TEX15: variants seen among roughly 807,000 people sequenced by gnomAD.
The protein encoded by TEX15 is testis expressed 15, meiosis and synapsis associated.
In TEX15, 171 loss-of-function variants were observed where a neutral mutation model predicts 237.3. That is an observed-to-expected ratio of 0.72 (90% CI 0.64 to 0.82). The LOEUF (loss-of-function observed/expected upper bound fraction) is 0.82. Among genes scored for constraint, TEX15 ranks in the 40% least tolerant of loss-of-function variants. The probability of loss-of-function intolerance (pLI) is 0.00; values close to 1 mark genes in which losing one functional copy is unlikely to be tolerated. For missense variants in TEX15, 3,750 were observed against 3,646.5 expected, an observed-to-expected ratio of 1.03 and a Z score of -0.73; for synonymous variants, 1,338 against 1,269.8, an observed-to-expected ratio of 1.05 and a Z score of -1.14.
chr8:30,869,282 G>T (rs1808240483), intron 4 of TEX15, among the ~76,000 whole-genome samples: 1 of 151,944 alleles, frequency 6.6e-6, no homozygotes. Flanking sequence ...CGAGCCTAAA[G>T]ACTCTTTTCT....
chr8:30,858,750 T>C lies in TEX15; in HGVS notation c.768A>G (p.Val256=). 1 of 1,535,736 alleles carries C rather than the reference T, an allele frequency of 6.5e-7. No individual in the cohort carries two copies. The highest frequency in any genetic ancestry group is 1.2e-5 in the South Asian group (1 of 84,038). The change falls in exon 7 of 11, where the codon GTA becomes GTG. Residue 256 remains valine, a synonymous_variant. Transcript: ENST00000643185. ...TATCTACTTTTGAACCAAGAAATTT[T>C]ACTGTTACTACAGCATATGGAAGAC... The part of the protein sequence containing the change: ...RQCLPYAVVT[V]KFLGSKVDNG...
intron 5 of TEX15, among the ~76,000 whole-genome samples, chr8:30,862,895 T>C (rs1014280618): frequency 2.0e-5 from 3 of 152,164 alleles, no homozygotes; most frequent in African/African-American, 7.2e-5. Context: ...TTGAATACCT[T>C]TTAGAATTTC....
intron 7 of TEX15, among the ~76,000 whole-genome samples, chr8:30,853,002 C>A (rs982145368): frequency 6.6e-6 from 1 of 151,954 alleles, no homozygotes; most frequent in Admixed American, 6.5e-5. Flanking sequence ...ATAGTGTAGT[C>A]TGGTGTACTC....
At chr8:30,851,057 A>G (rs937744862) in intron 7 of TEX15, among the ~76,000 whole-genome samples, 1 of 152,188 alleles carries the variant, frequency 6.6e-6, no homozygotes, top group Non-Finnish European at 1.5e-5. Context: ...CTGGAAAACA[A>G]GCTGACAGTA....
At chr8:30,884,845 T>A (rs1422123493) in intron 3 of TEX15, among the ~76,000 whole-genome samples, 2 of 152,128 alleles carry the variant, frequency 1.3e-5, no homozygotes, top group African/African-American at 2.4e-5. Context: ...TGCTCTAATT[T>A]TTATTATTTT....
intron 6 of TEX15, 49 bp downstream of exon 6, chr8:30,859,862 C>A: frequency 7.7e-7 from 1 of 1,295,966 alleles, no homozygotes; most frequent in Non-Finnish European, 9.8e-7. Flanking sequence ...TTAAAACATA[C>A]AATGTGAAAC....
chr8:30,893,667 A>G (rs1277222510), intron 2 of TEX15, among the ~76,000 whole-genome samples: 1 of 152,180 alleles, frequency 6.6e-6, no homozygotes, highest in African/African-American at 2.4e-5. Flanking sequence ...ACTTTCTCTC[A>G]GCACTCTCAA....
intron 2 of TEX15, chr8:30,887,694 G>C (rs1266194123): frequency 6.5e-6 from 1 of 154,964 alleles, no homozygotes; most frequent in African/African-American, 2.4e-5. Flanking sequence ...CCAGCTACTT[G>C]GGAGGCTGAG....
chr8:30,863,962 A>G (rs1470098251), intron 5 of TEX15, among the ~76,000 whole-genome samples: 2 of 44 alleles, frequency 0.045, no homozygotes, highest in East Asian at 0.25. Flanking sequence ...ATTCAAAGGA[A>G]AAAAAAAACA....
At chr8:30,835,633 A>C (rs1344078462) in intron 10 of TEX15, among the ~76,000 whole-genome samples, 1 of 152,192 alleles carries the variant, frequency 6.6e-6, no homozygotes, top group African/African-American at 2.4e-5. Context: ...ATTTTTATTT[A>C]AAGTACATTT....
intron 8 of TEX15, among the ~76,000 whole-genome samples, chr8:30,840,416 G>A (rs1310429883): frequency 3.3e-5 from 5 of 151,984 alleles, no homozygotes; most frequent in African/African-American, 7.2e-5. Flanking sequence ...GGCTGGTCTC[G>A]AACTCCTGAC....
chr8:30,887,504 T>C (rs1250174516), intron 2 of TEX15, among the ~76,000 whole-genome samples, 193 bp from the exon 3 acceptor site: 1 of 152,126 alleles, frequency 6.6e-6, no homozygotes, highest in Non-Finnish European at 1.5e-5. Flanking sequence ...TTTTATATAA[T>C]ATGAAAAATA....
intron 1 of TEX15, among the ~76,000 whole-genome samples, chr8:30,904,601 C>T (rs1010220635): frequency 6.6e-6 from 1 of 152,134 alleles, no homozygotes. Flanking sequence ...TTGACCAATA[C>T]TGAATCAACT....
At chr8:30,897,144 C>T (rs947499686) in intron 2 of TEX15, among the ~76,000 whole-genome samples, 1 of 152,208 alleles carries the variant, frequency 6.6e-6, no homozygotes, top group African/African-American at 2.4e-5. Flanking sequence ...AAGAAGTCGG[C>T]AGACGTAGGT....
At chr8:30,896,635 C>G (rs1164938987) in intron 2 of TEX15, among the ~76,000 whole-genome samples, 1 of 151,960 alleles carries the variant, frequency 6.6e-6, no homozygotes, top group African/African-American at 2.4e-5. Flanking sequence ...TTTAGACAAG[C>G]AGAACCTGTG....
At chr8:30,852,098 ATCTT>A (rs2128769048) in intron 7 of TEX15, among the ~76,000 whole-genome samples, 1 of 121,814 alleles carries the variant, frequency 8.2e-6, no homozygotes, top group African/African-American at 4.0e-5. Flanking sequence ...CATTAATTTA[ATCTT>A]TTTTTTTTTT....
intron 2 of TEX15, among the ~76,000 whole-genome samples, chr8:30,896,443 C>G (rs118185491): frequency 6.6e-6 from 1 of 152,006 alleles, no homozygotes; most frequent in Non-Finnish European, 1.5e-5. Flanking sequence ...TCTATTCAGT[C>G]CACTTCCTTA....
rs1554502343 is a variant in TEX15, at chr8:30,889,954, C to CACACATAT, written c.-9-2644_-9-2643insATATGTGT. ...ATATACATATATATATATATATATA[C>CACACATAT]ATATATATATATATGTATAAGTAAA... On this transcript the variant is annotated intron_variant, in intron 2 of 10. Transcript: ENST00000643185. 2.2e-4 allele frequency among the ~76,000 whole-genome samples: 24 copies of CACACATAT among 110,088 alleles called. 1 individual carries two copies. Among genetic ancestry groups the CACACATAT allele is most frequent in the African/African-American group, 1.0e-3 (23 of 22,422 alleles). The allele number at this position is 110,088 out of a possible 152,430, so 72.2% of individuals were successfully genotyped here.
intron 10 of TEX15, among the ~76,000 whole-genome samples, chr8:30,833,525 C>G (rs1807226542): frequency 6.6e-6 from 1 of 152,166 alleles, no homozygotes; most frequent in South Asian, 2.1e-4. Context: ...TGTAAAAGAA[C>G]AGCACCTCTG....
Sources: gnomAD v4.1 joint callset for allele counts (sites outside exome capture counted in the v4.1 genomes callset) on GRCh38, gnomAD v4.1.1 for gene constraint, MANE v1.5 for transcripts, NCBI Gene and HGNC (gene_info 2026-07-23, HGNC 2026-07-21) for gene names.